The following ATG5 variants were observed in gnomAD, a reference collection of about 807,000 sequenced individuals.
The protein encoded by ATG5 is autophagy related 5, also known as autophagy protein 5.
A neutral mutation model predicts 36.5 loss-of-function variants in ATG5; 14 were observed. The ratio of observed to expected loss-of-function variants is 0.38; its 90% confidence interval spans 0.25 to 0.60. ATG5 has a LOEUF of 0.60. Among genes scored for constraint, ATG5 ranks in the 20% least tolerant of loss-of-function variants. The pLI is 0.60. For missense variants in ATG5, 195 were observed against 326.7 expected (o/e 0.60, Z 3.11); for synonymous variants, 95 against 101.5 (o/e 0.94, Z 0.38).
rs1173917974 is a variant in ATG5, at chr6:106,323,554, G to A, written c.-59+1972C>T. On this transcript the variant is annotated intron_variant, in intron 1 of 7. Coordinates refer to ENST00000369076, the MANE Select transcript of ATG5 (RefSeq NM_004849.4). ...ACGCCCGGCCAAGTTATATTCTTTA[G>A]TTGCTCAGTCCGTAACCCTTGGAGT... Among the ~76,000 whole-genome samples the A allele has an allele frequency of 2.6e-5, 4 of 152,088 alleles. No individual in the cohort carries two copies. In the East Asian group the frequency reaches 7.7e-4, roughly 29 times the overall value.
intron 3 of ATG5, among the ~76,000 whole-genome samples, chr6:106,298,657 G>A (rs568351180): frequency 1.6e-4 from 25 of 152,152 alleles, no homozygotes; most frequent in Admixed American, 5.9e-4. Context: ...CCAGAAAAAC[G>A]AAGGAGTAAG....
At chr6:106,224,283 A>C (rs1341484846) in intron 6 of ATG5, among the ~76,000 whole-genome samples, 1 of 152,250 alleles carries the variant, frequency 6.6e-6, no homozygotes, top group Non-Finnish European at 1.5e-5. Context: ...AGGGAGAAAA[A>C]GCAGGTAGAA....
At chr6:106,300,460 C>G (rs962633385) in intron 3 of ATG5, among the ~76,000 whole-genome samples, 4 of 152,136 alleles carry the variant, frequency 2.6e-5, no homozygotes, top group African/African-American at 9.7e-5. Flanking sequence ...CTGAGTCATT[C>G]TATCATGTCT....
intron 5 of ATG5, among the ~76,000 whole-genome samples, chr6:106,276,257 G>T (rs370248988): frequency 6.6e-6 from 1 of 152,280 alleles, no homozygotes; most frequent in East Asian, 1.9e-4. Flanking sequence ...GAGGTCAGGA[G>T]ATCGAGACCA....
At chr6:106,250,019 T>C (rs1385311825) in intron 5 of ATG5, among the ~76,000 whole-genome samples, 1 of 152,198 alleles carries the variant, frequency 6.6e-6, no homozygotes, top group Non-Finnish European at 1.5e-5. Context: ...ACTCACATAT[T>C]TTCTCCCGTT....
At chr6:106,256,808 T>A (rs1405603603) in intron 5 of ATG5, among the ~76,000 whole-genome samples, 4 of 152,208 alleles carry the variant, frequency 2.6e-5, no homozygotes, top group Non-Finnish European at 5.9e-5. Flanking sequence ...GATGAGTGAA[T>A]GTGAAGGCCT....
At chr6:106,308,062 C>T (rs532940016) in intron 3 of ATG5, among the ~76,000 whole-genome samples, 2 of 152,058 alleles carry the variant, frequency 1.3e-5, no homozygotes, top group Non-Finnish European at 2.9e-5. Flanking sequence ...CAAGAGATGA[C>T]TTTTCATAAG....
intron 3 of ATG5, among the ~76,000 whole-genome samples, chr6:106,294,845 GAAA>G (rs1219794619): frequency 2.1e-4 from 18 of 85,930 alleles, no homozygotes; most frequent in African/African-American, 6.3e-4. Flanking sequence ...CTTTTCTCAA[GAAA>G]AAAAAAAAAA....
Position 106,321,382 on chromosome 6 carries a change from G to A in ATG5, c.-59+4144C>T, listed in dbSNP as rs1463753219. On this transcript the variant is annotated intron_variant, in intron 1 of 7. Coordinates refer to ENST00000369076, the MANE Select transcript of ATG5 (RefSeq NM_004849.4). ...CAACTCTTTTTTTTTTTTTTGAGAC[G>A]GAGTCTCGCTCTGTCGCTCAGGATG... 1.1e-4 allele frequency among the ~76,000 whole-genome samples: 17 copies of A among 148,564 alleles called. 1 individual carries two copies. The highest frequency in any genetic ancestry group is 4.0e-4 in the African/African-American group (16 of 40,004).
At chr6:106,198,002 C>T (rs1776269237) in intron 7 of ATG5, among the ~76,000 whole-genome samples, 1 of 152,234 alleles carries the variant, frequency 6.6e-6, no homozygotes, top group East Asian at 1.9e-4. Flanking sequence ...GCAATAAAAA[C>T]GATTAACCTC....
At chr6:106,195,801 T>A (rs1473296582) in intron 7 of ATG5, among the ~76,000 whole-genome samples, 1 of 77,784 alleles carries the variant, frequency 1.3e-5, no homozygotes. Context: ...GCCTCACTGC[T>A]CCCCTCTAAA....
chr6:106,218,593 A>G (rs1449694005), intron 6 of ATG5, among the ~76,000 whole-genome samples: 1 of 152,170 alleles, frequency 6.6e-6, no homozygotes, highest in South Asian at 2.1e-4. Context: ...ATCAGAGTTC[A>G]AGTTACACTT....
chr6:106,231,771 T>C (rs986477082), intron 6 of ATG5, among the ~76,000 whole-genome samples: 13 of 152,164 alleles, frequency 8.5e-5, no homozygotes, highest in African/African-American at 2.2e-4. Flanking sequence ...AGAAACCCTA[T>C]TGAACTTGGC....
Position 106,322,362 on chromosome 6 carries a change from AG to A in ATG5, c.-59+3163del, listed in dbSNP as rs1308135353. Reference sequence around the variant, plus strand: ...TCACTGACAAAACCCCCAACTACCTAGAAATATCAAATACTTACTAAACTAA... The same window carrying A: ...TCACTGACAAAACCCCCAACTACCTAAAATATCAAATACTTACTAAACTAA... On this transcript the variant is annotated intron_variant, in intron 1 of 7. Coordinates refer to ENST00000369076, the MANE Select transcript of ATG5 (RefSeq NM_004849.4). Among the ~76,000 whole-genome samples the A allele has an allele frequency of 3.9e-5, 6 of 152,348 alleles. No individual in the cohort carries two copies. In the East Asian group the frequency reaches 1.2e-3, roughly 29 times the overall value.
intron 3 of ATG5, among the ~76,000 whole-genome samples, chr6:106,300,183 T>C (rs1770146502): frequency 6.6e-6 from 1 of 152,174 alleles, no homozygotes; most frequent in South Asian, 2.1e-4. Flanking sequence ...TAGTTTTCCA[T>C]TATTGGAACG....
intron 1 of ATG5, among the ~76,000 whole-genome samples, chr6:106,317,189 A>G (rs901498511): frequency 6.6e-6 from 1 of 152,208 alleles, no homozygotes; most frequent in African/African-American, 2.4e-5. Context: ...AAATGCTGAA[A>G]TAAATATTGT....
At chr6:106,321,409 A>G (rs1232277782) in intron 1 of ATG5, among the ~76,000 whole-genome samples, 1 of 149,198 alleles carries the variant, frequency 6.7e-6, no homozygotes, top group African/African-American at 2.5e-5. Context: ...CTCAGGATGG[A>G]GTGCAGTGGC....
chr6:106,195,724 G>T (rs1776149689), intron 7 of ATG5, among the ~76,000 whole-genome samples: 2 of 146,224 alleles, frequency 1.4e-5, no homozygotes, highest in African/African-American at 5.0e-5. Flanking sequence ...TCACACAGAT[G>T]TACTCACCTA....
intron 5 of ATG5, among the ~76,000 whole-genome samples, chr6:106,259,267 T>C (rs1225886961): frequency 6.6e-6 from 1 of 152,212 alleles, no homozygotes; most frequent in Non-Finnish European, 1.5e-5. Flanking sequence ...CTAAATATTA[T>C]TGTTTTAAAT....
Sources: allele counts gnomAD v4.1 joint callset (sites outside exome capture counted in the v4.1 genomes callset), GRCh38; gene constraint gnomAD v4.1.1; transcripts MANE v1.5; gene names NCBI Gene and HGNC (gene_info 2026-07-23, HGNC 2026-07-21).